The following TP53I11 variants were observed in gnomAD, a reference collection of about 807,000 sequenced individuals.
TP53I11 encodes tumor protein p53 inducible protein 11.
Under a neutral mutation model 23.3 loss-of-function variants are expected in TP53I11, and 9 were observed. That is an observed-to-expected ratio of 0.39 (90% CI 0.23 to 0.67). The LOEUF (loss-of-function observed/expected upper bound fraction) is 0.67. TP53I11 is among the 30% of genes least tolerant of loss of function. The pLI, the probability that TP53I11 is intolerant of heterozygous loss-of-function variation, is 0.48. For missense variants in TP53I11, 170 were observed against 255.2 expected, an observed-to-expected ratio of 0.67 and a Z score of 2.27; for synonymous variants, 100 against 106.1, an observed-to-expected ratio of 0.94 and a Z score of 0.35.
intron 1 of TP53I11, among the ~76,000 whole-genome samples, chr11:44,949,690 A>T (rs1228483483): frequency 6.6e-6 from 1 of 152,038 alleles, no homozygotes; most frequent in Non-Finnish European, 1.5e-5. Flanking sequence ...CCCTTCCTCC[A>T]CACAGCCTCC....
intron 1 of TP53I11, chr11:44,947,385 C>T (rs1370967385): frequency 9.7e-6 from 3 of 310,688 alleles, no homozygotes; most frequent in African/African-American, 6.5e-5. Context: ...CAGCAGGCAC[C>T]TCCCTCTCCG....
chr11:44,947,506 G>A (rs555803573), intron 1 of TP53I11, among the ~76,000 whole-genome samples: 1 of 152,204 alleles, frequency 6.6e-6, no homozygotes, highest in Non-Finnish European at 1.5e-5. Context: ...GAGCTTCCTC[G>A]AAGGGATGCT....
intron 1 of TP53I11, among the ~76,000 whole-genome samples, chr11:44,940,012 G>A (rs1861601321): frequency 6.6e-6 from 1 of 152,240 alleles, no homozygotes; most frequent in South Asian, 2.1e-4. Flanking sequence ...TGCCAGGGAA[G>A]CCAGGGCCTA....
chr11:44,937,362 G>T lies in TP53I11; in HGVS notation c.189-10C>A, dbSNP rs368782324. On this transcript the variant is annotated splice_polypyrimidine_tract_variant and intron_variant, in intron 3 of 6. Transcript: ENST00000525680. The stretch of plus-strand genomic sequence containing the variant: ...GACGAACTGCCAGACCCTGGGAGGC[G>T]TGGAAAGAAGATCACAGCCCTGCCC... The T allele has an allele frequency of 6.8e-7, 1 of 1,473,838 alleles. No individual in the cohort carries two copies. Among genetic ancestry groups the T allele is most frequent in the East Asian group, 2.5e-5 (1 of 40,620 alleles). The allele number at this position is 1,473,838 out of a possible 1,614,324, so 91.3% of individuals were successfully genotyped here. A position where few individuals can be genotyped will look rare whatever the true frequency, so the allele number is the denominator to read the frequency against.
Position 44,934,721 on chromosome 11 carries a change from AC to A in TP53I11, c.*162del. The A allele has an allele frequency of 1.1e-6, 1 of 934,206 alleles. No individual in the cohort carries two copies. The highest frequency in any genetic ancestry group is 1.6e-6 in the Non-Finnish European group (1 of 639,966). The allele number at this position is 934,206 out of a possible 1,614,324, so 57.9% of individuals were successfully genotyped here. Reference sequence around the variant, plus strand: ...CTGAAAGCCCAGGAGATCACAGCACACGGGGTGCCCAGGAGGAAAGGAAGGC... The same window carrying A: ...CTGAAAGCCCAGGAGATCACAGCACAGGGGTGCCCAGGAGGAAAGGAAGGC... On this transcript the variant is annotated 3_prime_UTR_variant, in exon 7 of 7. Transcript: ENST00000525680.
intron 1 of TP53I11, among the ~76,000 whole-genome samples, chr11:44,942,384 C>T (rs1350258964): frequency 6.9e-6 from 1 of 144,048 alleles, no homozygotes; most frequent in East Asian, 2.1e-4. Context: ...TACACACACA[C>T]CACACAAACC....
chr11:44,949,798 A>T (rs1230322518), intron 1 of TP53I11, among the ~76,000 whole-genome samples: 1 of 152,080 alleles, frequency 6.6e-6, no homozygotes, highest in Non-Finnish European at 1.5e-5. Flanking sequence ...AGATCGCGCG[A>T]CTTTGGGGAG....
chr11:44,939,861 C>A (rs997751923), intron 1 of TP53I11, among the ~76,000 whole-genome samples: 1 of 152,252 alleles, frequency 6.6e-6, no homozygotes, highest in African/African-American at 2.4e-5. Flanking sequence ...CGCCTTTCTC[C>A]TCCCCACACA....
chr11:44,936,300 A>G lies in TP53I11; in HGVS notation c.334+503T>C, dbSNP rs1242539694. 8.6e-7 allele frequency: 1 copy of G among 1,159,584 alleles called. No individual in the cohort carries two copies. The highest frequency in any genetic ancestry group is 1.1e-6 in the Non-Finnish European group (1 of 943,124). 71.8% of individuals were successfully genotyped at this position (1,159,584 alleles called of 1,614,324 possible). ...TCTGTAGGCAATAGGGAGCCATAGAATATTTCGTAGAAATAGAGGCATATT... is the reference window on the plus strand; with the variant it reads ...TCTGTAGGCAATAGGGAGCCATAGAGTATTTCGTAGAAATAGAGGCATATT... On this transcript the variant is annotated intron_variant, in intron 5 of 6. Coordinates refer to ENST00000525680, the MANE Select transcript of TP53I11 (RefSeq NM_006034.5). The surrounding 1 kb of genome is among the most constrained non-coding windows in gnomAD (Gnocchi z 4.4).
chr11:44,934,838 G>T lies in TP53I11; in HGVS notation c.*46C>A. The T allele has an allele frequency of 6.2e-7, 1 of 1,611,018 alleles. No homozygotes were observed. ...GCCAAAGGGAAGCCGAGGCCCCAGC[G>T]CCACTCTGGCCCAGGCATGGGCAGG... On this transcript the variant is annotated 3_prime_UTR_variant, in exon 7 of 7. Transcript: ENST00000525680.
rs138982391 is a variant in TP53I11 at position 44,936,625 on chromosome 11, GC to G, written c.334+177del. On this transcript the variant is annotated intron_variant, in intron 5 of 6. Coordinates refer to ENST00000525680, the MANE Select transcript of TP53I11 (RefSeq NM_006034.5). This position sits in a 1 kb window ranked among gnomAD's most constrained non-coding sequence, Gnocchi z 4.4. ...ACCCACTGGGTGTATTCCACCAATG[GC>G]CACAAGATGGCAGCACATCCCCAGC... is the stretch of plus-strand genomic sequence containing the variant. 0.024 allele frequency: 31,884 copies of G among 1,336,590 alleles called. 464 individuals are homozygous for G. Among genetic ancestry groups the G allele is most frequent in the Non-Finnish European group, 0.027 (28,458 of 1,043,978 alleles). The allele number at this position is 1,336,590 out of a possible 1,614,324, so 82.8% of individuals were successfully genotyped here.
Position 44,934,593 on chromosome 11 carries a change from A to C in TP53I11, c.*291T>G. The C allele has an allele frequency of 5.2e-6, 2 of 387,694 alleles. No homozygotes were observed. Among genetic ancestry groups the C allele is most frequent in the Non-Finnish European group, 9.7e-6 (2 of 205,826 alleles). The allele number at this position is 387,694 out of a possible 1,614,324, so 24.0% of individuals were successfully genotyped here. A position where few individuals can be genotyped will look rare whatever the true frequency, so the allele number is the denominator to read the frequency against. Reference sequence around the variant, plus strand: ...GCCTGACTTTAGTCAGTGTCTATTGAGGGGGTCTGGAGGCCAAGAGACCCA... The same window carrying C: ...GCCTGACTTTAGTCAGTGTCTATTGCGGGGGTCTGGAGGCCAAGAGACCCA... On this transcript the variant is annotated 3_prime_UTR_variant, in exon 7 of 7. Coordinates refer to ENST00000525680, the MANE Select transcript of TP53I11 (RefSeq NM_006034.5).
intron 1 of TP53I11, among the ~76,000 whole-genome samples, chr11:44,945,853 T>A (rs1862338457): frequency 6.6e-6 from 1 of 152,096 alleles, no homozygotes; most frequent in Admixed American, 6.5e-5. Flanking sequence ...GTCCAGAGCT[T>A]GCGTCATCCG....
At position 44,941,829 on chromosome 11, in the gene TP53I11, G is replaced by A. The variant is rs150791128; in HGVS notation, c.-31-3463C>T. Among the ~76,000 whole-genome samples, 685 of 152,214 alleles carry A rather than the reference G, an allele frequency of 4.5e-3. 7 individuals carry two copies. Among genetic ancestry groups the A allele is most frequent in the African/African-American group, 0.016 (653 of 41,506 alleles). ...CTCAGTCCCCGGGCACAAGGCTGGC[G>A]CTCAGCCACTGCCCACCAGGCCCAG... On this transcript the variant is annotated intron_variant, in intron 1 of 6. Transcript: ENST00000525680.
In TP53I11 at chr11:44,942,265, C is replaced by G. The variant is rs930805525; in HGVS notation, c.-31-3899G>C. On this transcript the variant is annotated intron_variant, in intron 1 of 6. Coordinates refer to ENST00000525680, the MANE Select transcript of TP53I11 (RefSeq NM_006034.5). ...CACACACACCCACACACTACACACA[C>G]CCACCACACACATCACACACACCAC... 2.7e-4 allele frequency among the ~76,000 whole-genome samples: 39 copies of G among 146,666 alleles called. No homozygotes were observed. In the South Asian group the frequency reaches 3.3e-3, roughly 13 times the overall value.
chr11:44,936,481 C>T lies in TP53I11; in HGVS notation c.334+322G>A, dbSNP rs890728321. The T allele has an allele frequency of 4.8e-6, 6 of 1,240,256 alleles. No individual in the cohort carries two copies. The African/African-American group carries it at 9.3e-5, about 19-fold the overall frequency. The allele number at this position is 1,240,256 out of a possible 1,614,324, so 76.8% of individuals were successfully genotyped here. ...GACACTGAATTGATCTGCCTCTCCT[C>T]TAGGCTGTGAATTCCTAGAGGCTGG... On this transcript the variant is annotated intron_variant, in intron 5 of 6. Coordinates refer to ENST00000525680, the MANE Select transcript of TP53I11 (RefSeq NM_006034.5). This position sits in a 1 kb window ranked among gnomAD's most constrained non-coding sequence, Gnocchi z 4.4.
rs754439557 is a variant in TP53I11, at chr11:44,937,578, G to A, written c.165C>T (p.Thr55=). The A allele has an allele frequency of 1.3e-5, 21 of 1,613,686 alleles. No homozygotes were observed. The highest frequency in any genetic ancestry group is 1.1e-5 in the South Asian group (1 of 91,026). Residue 55 remains threonine (T), a synonymous_variant, in exon 3 of 7, where the codon ACC becomes ACT. Coordinates refer to ENST00000525680, the MANE Select transcript of TP53I11 (RefSeq NM_006034.5). ...ACCTGAGCCCCAAAGGCTCCCGAAT[G>A]GTAAACTTGATTTCATTGCCTAAGA... The part of the protein sequence containing the change: ...SQVLGNEIKF[T]IREPLGLRVW...
In TP53I11 at chr11:44,941,648, C is replaced by A. The variant is rs144769764; in HGVS notation, c.-31-3282G>T. Among the ~76,000 whole-genome samples the A allele has an allele frequency of 1.1e-4, 17 of 152,248 alleles. No homozygotes were observed. The East Asian group carries it at 2.7e-3, about 24-fold the overall frequency. ...GGGAAGTGCCTGGCCCACAGCAAGTCCCCAGTGAAGACAGGCAATTATCAG... is the reference window on the plus strand; with the variant it reads ...GGGAAGTGCCTGGCCCACAGCAAGTACCCAGTGAAGACAGGCAATTATCAG... On this transcript the variant is annotated intron_variant, in intron 1 of 6. Coordinates refer to ENST00000525680, the MANE Select transcript of TP53I11 (RefSeq NM_006034.5).
At chr11:44,946,058 G>C (rs553363802) in intron 1 of TP53I11, among the ~76,000 whole-genome samples, 1 of 152,314 alleles carries the variant, frequency 6.6e-6, no homozygotes, top group Non-Finnish European at 1.5e-5. Flanking sequence ...CGTGCCTTTG[G>C]GCAGACAAAC....
Sources: allele counts gnomAD v4.1 joint callset (sites outside exome capture counted in the v4.1 genomes callset), GRCh38; gene constraint gnomAD v4.1.1; non-coding constraint Gnocchi (gnomAD v3.1); transcripts MANE v1.5; gene names NCBI Gene and HGNC (gene_info 2026-07-23, HGNC 2026-07-21).